ATIC: variants seen among roughly 807,000 people sequenced by gnomAD.
ATIC encodes 5-aminoimidazole-4-carboxamide ribonucleotide formyltransferase/IMP cyclohydrolase, also known as bifunctional purine biosynthesis protein ATIC.
Under a neutral mutation model 72.5 loss-of-function variants are expected in ATIC, and 64 were observed. The ratio of observed to expected loss-of-function variants is 0.88; its 90% CI spans 0.72 to 1.09. The LOEUF is 1.09. Ranked by LOEUF, ATIC falls within the 50% of genes least tolerant of loss-of-function variation. ATIC has a pLI of 0.00. For synonymous variants in ATIC, 281 were observed against 267.1 expected (o/e 1.05, Z -0.51); for missense variants, 787 against 732.4 (o/e 1.07, Z -0.86).
the ATIC span, chr2:215,367,998 C>T: frequency 6.2e-7 from 1 of 1,614,160 alleles, no homozygotes; most frequent in African/African-American, 1.3e-5. Context: ...AAGCACGAGT[C>T]ATCCGTAGGT....
At chr2:215,326,169 A>T in intron 6 of ATIC, 31 bp downstream of exon 6, 1 of 1,613,130 alleles carries the variant, frequency 6.2e-7, no homozygotes, top group Non-Finnish European at 8.5e-7. Flanking sequence ...ATTGTAAGTT[A>T]CATCCATGGA....
chr2:215,314,375 T>C (rs375410672), intron 2 of ATIC, among the ~76,000 whole-genome samples: 1 of 152,228 alleles, frequency 6.6e-6, no homozygotes, highest in Non-Finnish European at 1.5e-5. Context: ...ATATAAACTC[T>C]TATAGTCCTT....
chr2:215,333,229 T>G (rs2052915098), intron 8 of ATIC, 121 bp from the exon 9 acceptor site: 4 of 796,750 alleles, frequency 5.0e-6, no homozygotes, highest in Non-Finnish European at 8.7e-6. Context: ...CTGTTTAATT[T>G]AGCACAGGCA....
chr2:215,328,804 A>C (rs1310985486), intron 7 of ATIC, among the ~76,000 whole-genome samples: 1 of 139,402 alleles, frequency 7.2e-6, no homozygotes. Flanking sequence ...TGCAAACTCC[A>C]CCTCCCGGGT....
intron 7 of ATIC, among the ~76,000 whole-genome samples, chr2:215,329,883 T>G (rs2052871042): frequency 6.6e-6 from 1 of 151,692 alleles, no homozygotes; most frequent in African/African-American, 2.4e-5. Context: ...TGCCTCAGCC[T>G]CCTGAGTAGT....
chr2:215,344,962 A>G (rs1417712088), intron 13 of ATIC, 91 bp downstream of exon 13: 6 of 1,336,020 alleles, frequency 4.5e-6, no homozygotes, highest in Non-Finnish European at 6.3e-6. Flanking sequence ...GGACAGCTTG[A>G]AAGGGAATAT....
At chr2:215,364,809 G>T in the ATIC span, 1 of 1,023,700 alleles carries the variant, frequency 9.8e-7, no homozygotes, top group Non-Finnish European at 1.5e-6. Flanking sequence ...CTGTGTGTAC[G>T]ACACATCCTT....
In ATIC at chr2:215,349,737, A is replaced by C; in HGVS notation, c.*82A>C. 6.2e-7 allele frequency: 1 copy of C among 1,605,494 alleles called. No individual in the cohort carries two copies. The highest frequency in any genetic ancestry group is 8.5e-7 in the Non-Finnish European group (1 of 1,172,428). On this transcript the variant is annotated 3_prime_UTR_variant, in exon 16 of 16. Transcript: ENST00000236959. ...AACTTTGAGGATAACTTTTTAAAAA[A>C]ATAAAACAGTATCTCTTAATCACTG...
chr2:215,364,669 C>T, the ATIC span: 2 of 600,388 alleles, frequency 3.3e-6, no homozygotes, highest in Non-Finnish European at 6.0e-6. Context: ...TTCATTCTTT[C>T]TACTAAGAGT....
At chr2:215,356,343 C>G in the ATIC span, among the ~76,000 whole-genome samples, 1 of 152,274 alleles carries the variant, frequency 6.6e-6, no homozygotes, top group African/African-American at 2.4e-5. Context: ...AAATTGGTAG[C>G]CACAAAGTTT....
chr2:215,344,039 G>A (rs2053046618), intron 12 of ATIC, among the ~76,000 whole-genome samples: 1 of 152,198 alleles, frequency 6.6e-6, no homozygotes, highest in Non-Finnish European at 1.5e-5. Flanking sequence ...AGTCTTGGCT[G>A]TCTGTGTGCA....
intron 4 of ATIC, among the ~76,000 whole-genome samples, chr2:215,322,981 G>T (rs2052785829): frequency 6.6e-6 from 1 of 152,116 alleles, no homozygotes; most frequent in African/African-American, 2.4e-5. Context: ...GTCTGGCTCT[G>T]TTGCCCAGGC....
chr2:215,335,441 A>G (rs1443816634), intron 10 of ATIC, among the ~76,000 whole-genome samples: 2 of 152,196 alleles, frequency 1.3e-5, no homozygotes, highest in Admixed American at 6.5e-5. Flanking sequence ...GGTAGTAGGA[A>G]GACAGGAAGA....
In ATIC at chr2:215,323,147, G is replaced by C. The variant is rs143121886; in HGVS notation, c.291-2094G>C. Among the ~76,000 whole-genome samples the C allele has an allele frequency of 5.1e-3, 778 of 152,076 alleles. 6 individuals are homozygous for C. The highest frequency in any genetic ancestry group is 0.018 in the African/African-American group (743 of 41,462). On this transcript the variant is annotated intron_variant, in intron 4 of 15. Coordinates refer to ENST00000236959, the MANE Select transcript of ATIC (RefSeq NM_004044.7). ...TTTTTAGTAGAGACAGGGTTTCACC[G>C]TGTTCGCCAGGATGGTCTCGATCTC...
chr2:215,329,309 A>G (rs547214909), intron 7 of ATIC, among the ~76,000 whole-genome samples: 2 of 152,266 alleles, frequency 1.3e-5, no homozygotes, highest in Non-Finnish European at 1.5e-5. Flanking sequence ...TTTTCATTGG[A>G]CTATATAAAA....
At chr2:215,325,525 T>C (rs2052813603) in intron 5 of ATIC, among the ~76,000 whole-genome samples, 196 bp downstream of exon 5, 1 of 152,014 alleles carries the variant, frequency 6.6e-6, no homozygotes, top group South Asian at 2.1e-4. Context: ...TATGCAGAGA[T>C]GCATCTGGGT....
chr2:215,312,878 C>T (rs1046252245), intron 2 of ATIC, among the ~76,000 whole-genome samples: 36 of 152,150 alleles, frequency 2.4e-4, no homozygotes, highest in African/African-American at 8.7e-4. Context: ...GTGGGCTGAT[C>T]ACTTACGGTC....
At chr2:215,314,798 T>G (rs1299358449) in intron 2 of ATIC, among the ~76,000 whole-genome samples, 1 of 152,082 alleles carries the variant, frequency 6.6e-6, no homozygotes, top group Non-Finnish European at 1.5e-5. Flanking sequence ...GAGGCCAAGA[T>G]TTTGTAGGGG....
chr2:215,326,799 C>T, intron 6 of ATIC, 23 bp from the exon 7 acceptor site: 1 of 1,613,606 alleles, frequency 6.2e-7, no homozygotes, highest in Non-Finnish European at 8.5e-7. Flanking sequence ...GCTCGTGTCT[C>T]ACAAAACTTA....
Sources: gnomAD v4.1 joint callset for allele counts (sites outside exome capture counted in the v4.1 genomes callset) on GRCh38, gnomAD v4.1.1 for gene constraint, MANE v1.5 for transcripts, NCBI Gene and HGNC (gene_info 2026-07-23, HGNC 2026-07-21) for gene names.